The following TMEM87A variants were observed in gnomAD, a reference collection of about 807,000 sequenced individuals.
TMEM87A encodes the protein transmembrane protein 87A, also known as Golgi-pH regulating cation channel.
TMEM87A carries 50 observed loss-of-function variants against 90.0 expected under a neutral mutation model. That is an observed-to-expected ratio of 0.56 (90% CI 0.44 to 0.70). The LOEUF (loss-of-function observed/expected upper bound fraction) is 0.70. TMEM87A is among the 30% of genes least tolerant of loss of function. The probability of loss-of-function intolerance (pLI) is 0.00; values close to 1 mark genes in which losing one functional copy is unlikely to be tolerated. For missense variants in TMEM87A, 577 were observed against 660.5 expected, an observed-to-expected ratio of 0.87 and a Z score of 1.39; for synonymous variants, 226 against 226.7, an observed-to-expected ratio of 1.00 and a Z score of 0.03.
chr15:42,239,522 C>A, intron 8 of TMEM87A, 148 bp downstream of exon 8: 2 of 696,634 alleles, frequency 2.9e-6, no homozygotes, highest in Non-Finnish European at 5.0e-6. Flanking sequence ...AAGTCCCAGT[C>A]TAATAAGAAA....
At chr15:42,259,092 A>G (rs2051237607) in intron 6 of TMEM87A, 3 of 670,162 alleles carry the variant, frequency 4.5e-6, no homozygotes, top group African/African-American at 3.7e-5. Flanking sequence ...TTAACAGCTG[A>G]TAAAAACAAC....
chr15:42,264,054 C>T (rs1186328520), intron 4 of TMEM87A, 36 bp downstream of exon 4: 18 of 1,533,814 alleles, frequency 1.2e-5, no homozygotes, highest in Non-Finnish European at 1.1e-5. Context: ...CAATTTTTGC[C>T]TATTCTATTT....
At chr15:42,269,801 T>A (rs1024246351) in intron 2 of TMEM87A, among the ~76,000 whole-genome samples, 2 of 146,674 alleles carry the variant, frequency 1.4e-5, no homozygotes. Flanking sequence ...CCGGGCGCGG[T>A]GGCGGGCGCC....
chr15:42,253,797 C>T (rs4924642), intron 6 of TMEM87A, among the ~76,000 whole-genome samples: 144,904 of 152,330 alleles, frequency 0.95, 69,278 homozygotes, highest in Non-Finnish European at 1. Context: ...AATGTGATAG[C>T]TTTCATCAGC....
chr15:42,270,513 T>C (rs1335191000), intron 2 of TMEM87A, among the ~76,000 whole-genome samples: 2 of 152,130 alleles, frequency 1.3e-5, no homozygotes, highest in East Asian at 3.8e-4. Flanking sequence ...GGAGAATCGC[T>C]TGAACCTGGG....
chr15:42,261,337 A>C, intron 4 of TMEM87A, 88 bp from the exon 5 acceptor site: 9 of 1,027,254 alleles, frequency 8.8e-6, no homozygotes, highest in Non-Finnish European at 1.3e-5. Flanking sequence ...TGGTTAGAAC[A>C]AAACACCACA....
intron 6 of TMEM87A, among the ~76,000 whole-genome samples, chr15:42,259,682 T>G (rs2051252341): frequency 6.6e-6 from 1 of 152,142 alleles, no homozygotes; most frequent in South Asian, 2.1e-4. Context: ...AAAATATTCC[T>G]GGAAATCTAG....
intron 18 of TMEM87A, 56 bp downstream of exon 18, chr15:42,218,267 A>G (rs959246167): frequency 2.7e-5 from 42 of 1,530,568 alleles, no homozygotes; most frequent in African/African-American, 4.1e-5. Context: ...TAAAATAATA[A>G]CAAAGTAGTA....
chr15:42,237,328 T>A (rs2050787279), intron 9 of TMEM87A, 104 bp downstream of exon 9: 1 of 1,072,010 alleles, frequency 9.3e-7, no homozygotes, highest in Admixed American at 2.6e-5. Flanking sequence ...AATAATTAAG[T>A]AATTGAAAAG....
intron 15 of TMEM87A, chr15:42,226,504 A>C (rs2050596841): frequency 6.3e-6 from 2 of 318,850 alleles, no homozygotes; most frequent in Non-Finnish European, 1.2e-5. Flanking sequence ...CTTGCAATTT[A>C]TTTCCATAGT....
At chr15:42,249,438 TAC>T (rs998861890) in intron 6 of TMEM87A, among the ~76,000 whole-genome samples, 9 of 152,242 alleles carry the variant, frequency 5.9e-5, no homozygotes, top group African/African-American at 2.2e-4. Context: ...AATTTCCCTC[TAC>T]ACACTGCTTT....
At chr15:42,228,030 A>G (rs1418244254) in intron 13 of TMEM87A, among the ~76,000 whole-genome samples, 1 of 152,238 alleles carries the variant, frequency 6.6e-6, no homozygotes, top group Non-Finnish European at 1.5e-5. Flanking sequence ...ATCTGGCTAC[A>G]TCAGTAACCA....
intron 6 of TMEM87A, among the ~76,000 whole-genome samples, chr15:42,252,608 T>C (rs987336404): frequency 1.3e-5 from 2 of 152,146 alleles, no homozygotes; most frequent in African/African-American, 2.4e-5. Context: ...ATGTGGATGT[T>C]GATACACCTG....
At position 42,214,057 on chromosome 15, in the gene TMEM87A, G is replaced by C. The variant is rs976027639; in HGVS notation, c.1627-2308C>G. Reference sequence around the variant, plus strand: ...ATATGCCAAGAAACTGGATAACCTAGAACAAAATATATAATTCCTAGAAGT... The same window carrying C: ...ATATGCCAAGAAACTGGATAACCTACAACAAAATATATAATTCCTAGAAGT... On this transcript the variant is annotated intron_variant, in intron 19 of 19. Coordinates refer to ENST00000389834, the MANE Select transcript of TMEM87A (RefSeq NM_015497.5). 2.0e-5 allele frequency among the ~76,000 whole-genome samples: 3 copies of C among 151,974 alleles called. No individual in the cohort carries two copies. The South Asian group carries it at 6.3e-4, about 32-fold the overall frequency.
At chr15:42,215,804 C>T (rs1026079074) in intron 19 of TMEM87A, among the ~76,000 whole-genome samples, 3 of 152,044 alleles carry the variant, frequency 2.0e-5, no homozygotes, top group Non-Finnish European at 4.4e-5. Flanking sequence ...TAAAATGGTG[C>T]AATCACTATG....
rs750239117 is a variant in TMEM87A, at chr15:42,237,478, A to G, written c.822T>C (p.Ala274=). 1 of 1,614,132 alleles carries G rather than the reference A, an allele frequency of 6.2e-7. No homozygotes were observed. The highest frequency in any genetic ancestry group is 8.5e-7 in the Non-Finnish European group (1 of 1,180,026). ...AVIFLGMLEK[A]VFYAEFQNIR... ...TATTCTGAAATTCCGCATAGAAGAC[A>G]GCTTTCTCAAGCATTCCCAGGAAGA... The change falls in exon 9 of 20, where the codon GCT becomes GCC. Residue 274 remains alanine, a synonymous_variant. Coordinates refer to ENST00000389834, the MANE Select transcript of TMEM87A (RefSeq NM_015497.5).
At chr15:42,265,980 T>C (rs1423879015) in intron 3 of TMEM87A, among the ~76,000 whole-genome samples, 4 of 152,212 alleles carry the variant, frequency 2.6e-5, no homozygotes, top group Non-Finnish European at 5.9e-5. Context: ...CCTTTCCCCA[T>C]TGCTTGTTTT....
At chr15:42,271,195 CT>C (rs1342246605) in intron 2 of TMEM87A, among the ~76,000 whole-genome samples, 1 of 152,186 alleles carries the variant, frequency 6.6e-6, no homozygotes, top group Non-Finnish European at 1.5e-5. Flanking sequence ...ACTAGACAAA[CT>C]AGTTTTGTTC....
intron 15 of TMEM87A, among the ~76,000 whole-genome samples, chr15:42,225,556 A>G (rs2050575715): frequency 6.6e-6 from 1 of 152,178 alleles, no homozygotes; most frequent in Admixed American, 6.5e-5. Flanking sequence ...TTTCTTTGAG[A>G]CAGTCTCACT....
Sources: gnomAD v4.1 joint callset for allele counts (sites outside exome capture counted in the v4.1 genomes callset) on GRCh38, gnomAD v4.1.1 for gene constraint, MANE v1.5 for transcripts, NCBI Gene and HGNC (gene_info 2026-07-23, HGNC 2026-07-21) for gene names.